The following IL1R1 variants were observed in gnomAD, a reference collection of about 807,000 sequenced individuals.
IL1R1 encodes interleukin-1 receptor type 1.
Under a neutral mutation model 50.2 loss-of-function variants are expected in IL1R1, and 22 were observed. The ratio of observed to expected loss-of-function variants is 0.44; its 90% CI spans 0.31 to 0.63. IL1R1 has a LOEUF of 0.63. Ranked by LOEUF, IL1R1 falls within the 20% of genes least tolerant of loss-of-function variation. The pLI is 0.07. For missense variants in IL1R1, 509 were observed against 676.2 expected (o/e 0.75, Z 2.74); for synonymous variants, 251 against 236.7 (o/e 1.06, Z -0.55).
intron 3 of IL1R1, among the ~76,000 whole-genome samples, chr2:102,159,111 G>A (rs955320081): frequency 1.3e-5 from 2 of 152,194 alleles, no homozygotes; most frequent in South Asian, 4.1e-4. Context: ...TTTTCAGACT[G>A]GATGTGTTAA....
intron 1 of IL1R1, among the ~76,000 whole-genome samples, chr2:102,088,478 C>A (rs1027259487): frequency 6.6e-6 from 1 of 152,016 alleles, no homozygotes; most frequent in African/African-American, 2.4e-5. Context: ...ATTCAGTAAA[C>A]CATGCTGTAA....
intron 1 of IL1R1, among the ~76,000 whole-genome samples, chr2:102,110,838 G>A (rs1165959762): frequency 6.6e-6 from 1 of 152,098 alleles, no homozygotes; most frequent in South Asian, 2.1e-4. Flanking sequence ...AGGCAGCCGC[G>A]GGAGTTGGCA....
chr2:102,125,926 A>G (rs1176582407), intron 1 of IL1R1, among the ~76,000 whole-genome samples: 1 of 152,208 alleles, frequency 6.6e-6, no homozygotes, highest in Non-Finnish European at 1.5e-5. Flanking sequence ...GAGGAGTGGA[A>G]TACAGTCAAG....
chr2:102,123,238 C>T (rs1184015331), intron 1 of IL1R1, among the ~76,000 whole-genome samples: 2 of 152,136 alleles, frequency 1.3e-5, no homozygotes, highest in Admixed American at 6.5e-5. Context: ...GTAATAATTC[C>T]ATGCTATCTT....
intron 1 of IL1R1, among the ~76,000 whole-genome samples, chr2:102,115,987 G>C (rs916970896): frequency 6.6e-6 from 1 of 152,144 alleles, no homozygotes; most frequent in African/African-American, 2.4e-5. Context: ...TGCAGCAAAC[G>C]GCAAATAGGA....
At chr2:102,166,739 AC>A (rs1685212330) in intron 6 of IL1R1, among the ~76,000 whole-genome samples, 1 of 152,050 alleles carries the variant, frequency 6.6e-6, no homozygotes, top group South Asian at 2.1e-4. Context: ...TTAGGTGTTA[AC>A]CTCTCTAACC....
chr2:102,134,913 G>A (rs527746300), intron 1 of IL1R1, among the ~76,000 whole-genome samples: 17 of 152,184 alleles, frequency 1.1e-4, no homozygotes, highest in South Asian at 4.1e-4. Flanking sequence ...TGTTTTTCAC[G>A]GGCATCTTCT....
At position 102,177,052 on chromosome 2, in the gene IL1R1, G is replaced by A; in HGVS notation, c.*293G>A. 3.1e-6 allele frequency: 1 copy of A among 319,486 alleles called. No homozygotes were observed. Among genetic ancestry groups the A allele is most frequent in the Admixed American group, 4.5e-5 (1 of 22,138 alleles). 19.8% of individuals were successfully genotyped at this position (319,486 alleles called of 1,614,324 possible). ...AGGCTGAAGTGGGTGGATCACCAGA[G>A]GTCAGGAGTTCGAGACCAGCCCAGC... On this transcript the variant is annotated 3_prime_UTR_variant, in exon 12 of 12. Transcript: ENST00000410023.
In IL1R1 at chr2:102,174,726, A is replaced by T. The variant is rs764018672; in HGVS notation, c.1131A>T (p.Ile377=). 1.9e-6 allele frequency: 3 copies of T among 1,606,284 alleles called. No individual in the cohort carries two copies. The highest frequency in any genetic ancestry group is 2.5e-6 in the Non-Finnish European group (3 of 1,177,380). The change falls in exon 10 of 12, where the codon ATA becomes ATT. Residue 377 remains isoleucine, a synonymous_variant. Coordinates refer to ENST00000410023, the MANE Select transcript of IL1R1 (RefSeq NM_000877.4). ...ATTCCTGCTATGATTTTCTCCCAATAAAAGGTATAATTTTGTATTCCATGC... is the reference window on the plus strand; with the variant it reads ...ATTCCTGCTATGATTTTCTCCCAATTAAAGGTATAATTTTGTATTCCATGC... ...YRDSCYDFLP[I]KASDGKTYDA... is the part of the protein sequence containing the mutation.
chr2:102,117,784 GT>G (rs1681168716), intron 1 of IL1R1, among the ~76,000 whole-genome samples: 1 of 152,120 alleles, frequency 6.6e-6, no homozygotes, highest in African/African-American at 2.4e-5. Flanking sequence ...ATTGCCCAGT[GT>G]TCCGAGTGCT....
intron 1 of IL1R1, among the ~76,000 whole-genome samples, chr2:102,098,603 A>T (rs377149838): frequency 6.6e-6 from 1 of 152,156 alleles, no homozygotes; most frequent in South Asian, 2.1e-4. Context: ...TGCATAGTAC[A>T]CTGCAGTGAA....
intron 1 of IL1R1, among the ~76,000 whole-genome samples, chr2:102,129,432 C>G (rs1266437266): frequency 6.6e-6 from 1 of 152,124 alleles, no homozygotes; most frequent in Non-Finnish European, 1.5e-5. Flanking sequence ...AAATTTCATT[C>G]CTACATAAGG....
intron 1 of IL1R1, among the ~76,000 whole-genome samples, chr2:102,087,170 A>G (rs1679465746): frequency 6.6e-6 from 1 of 152,240 alleles, no homozygotes; most frequent in East Asian, 1.9e-4. Context: ...TCACTTAAAA[A>G]TGCTAACAAT....
chr2:102,084,848 G>A (rs1679369527), intron 1 of IL1R1, among the ~76,000 whole-genome samples: 1 of 152,182 alleles, frequency 6.6e-6, no homozygotes, highest in South Asian at 2.1e-4. Flanking sequence ...TGTACTTCCA[G>A]TGGGAATGTT....
At chr2:102,158,243 G>C (rs1394994933) in intron 3 of IL1R1, among the ~76,000 whole-genome samples, 2 of 151,864 alleles carry the variant, frequency 1.3e-5, no homozygotes, top group African/African-American at 4.8e-5. Flanking sequence ...TTCTCTTTTT[G>C]CCAGGTGCTA....
chr2:102,145,301 T>A (rs1475526846), intron 1 of IL1R1, among the ~76,000 whole-genome samples: 1 of 152,108 alleles, frequency 6.6e-6, no homozygotes, highest in South Asian at 2.1e-4. Context: ...AAGACAAGGA[T>A]CTGCACTGTC....
At chr2:102,100,086 T>C (rs1214901141), upstream of IL1R1, among the ~76,000 whole-genome samples, 1 of 152,230 alleles carries the variant, frequency 6.6e-6, no homozygotes, top group Non-Finnish European at 1.5e-5. Context: ...CTTTCCTGCA[T>C]TCAAGGCCTC....
intron 2 of IL1R1, chr2:102,156,067 T>C (rs1559494458): frequency 6.6e-6 from 1 of 152,242 alleles, no homozygotes; most frequent in Non-Finnish European, 1.5e-5. Flanking sequence ...GTTGATAAAC[T>C]AATGCAAATA....
intron 1 of IL1R1, among the ~76,000 whole-genome samples, chr2:102,147,184 G>A (rs1683208422): frequency 6.6e-6 from 1 of 152,124 alleles, no homozygotes; most frequent in South Asian, 2.1e-4. Flanking sequence ...AGTATTCCTG[G>A]TGCACACAGT....
Sources: gnomAD v4.1 joint callset for allele counts (sites outside exome capture counted in the v4.1 genomes callset) on GRCh38, gnomAD v4.1.1 for gene constraint, MANE v1.5 for transcripts, NCBI Gene and HGNC (gene_info 2026-07-23, HGNC 2026-07-21) for gene names.